Variants in ENPP6 observed in about 807,000 individuals in gnomAD.
ENPP6 encodes ectonucleotide pyrophosphatase/phosphodiesterase 6, also known as glycerophosphocholine cholinephosphodiesterase ENPP6.
Under a neutral mutation model 42.0 loss-of-function variants are expected in ENPP6, and 32 were observed. That is an observed-to-expected ratio of 0.76 (90% CI 0.58 to 1.02). The LOEUF (loss-of-function observed/expected upper bound fraction) is 1.02, where lower values mean the gene tolerates loss of function less well. Among genes scored for constraint, ENPP6 ranks in the 50% least tolerant of loss-of-function variants. The pLI is 0.00. For synonymous variants in ENPP6, 213 were observed against 216.0 expected (o/e 0.99, Z 0.12); for missense variants, 552 against 566.8 (o/e 0.97, Z 0.27).
At chr4:184,130,034 G>A (rs1317696831) in intron 2 of ENPP6, among the ~76,000 whole-genome samples, 2 of 152,304 alleles carry the variant, frequency 1.3e-5, no homozygotes, top group African/African-American at 4.8e-5. Context: ...CTTGTGGGTA[G>A]GAATTGTCAT....
At chr4:184,161,918 A>G (rs1313898208) in intron 1 of ENPP6, among the ~76,000 whole-genome samples, 1 of 152,174 alleles carries the variant, frequency 6.6e-6, no homozygotes, top group Non-Finnish European at 1.5e-5. Context: ...AAGACTAAAC[A>G]TTGGGTACAG....
At chr4:184,176,865 C>A (rs1737571911) in intron 1 of ENPP6, among the ~76,000 whole-genome samples, 1 of 152,186 alleles carries the variant, frequency 6.6e-6, no homozygotes, top group Non-Finnish European at 1.5e-5. Context: ...TGGGCCTTGG[C>A]CTTGTGAGAC....
chr4:184,131,796 A>AACACACACACACACAC (rs140275578), intron 2 of ENPP6, among the ~76,000 whole-genome samples: 64 of 140,658 alleles, frequency 4.6e-4, no homozygotes, highest in African/African-American at 1.4e-3. Flanking sequence ...GGACCAATAG[A>AACACACACACACACAC]ACACACACAC....
Position 184,209,198 on chromosome 4 carries a change from C to T in ENPP6, c.241+8381G>A, listed in dbSNP as rs1452365245. Among the ~76,000 whole-genome samples, 27 of 150,778 alleles carry T rather than the reference C, an allele frequency of 1.8e-4. 1 individual carries two copies. Among genetic ancestry groups the T allele is most frequent in the East Asian group, 3.9e-4 (2 of 5,178 alleles). ...GAGCGCCTCTCCTCTTCCAAAGGAA[C>T]GCAGCTCCTCACCAGCAATGGAACA... On this transcript the variant is annotated intron_variant, in intron 1 of 7. Transcript: ENST00000296741.
chr4:184,206,399 A>G (rs1251082251), intron 1 of ENPP6, among the ~76,000 whole-genome samples: 7 of 105,468 alleles, frequency 6.6e-5, no homozygotes, highest in African/African-American at 2.0e-4. Flanking sequence ...CTGGGACTAC[A>G]GGCGGGCGCC....
At chr4:184,130,919 A>G (rs1736595856) in intron 2 of ENPP6, among the ~76,000 whole-genome samples, 1 of 152,202 alleles carries the variant, frequency 6.6e-6, no homozygotes, top group African/African-American at 2.4e-5. Context: ...TCTATCCTAA[A>G]GTTGTTGAAC....
chr4:184,186,508 G>A (rs946426434), intron 1 of ENPP6, among the ~76,000 whole-genome samples: 4 of 152,148 alleles, frequency 2.6e-5, no homozygotes, highest in Non-Finnish European at 4.4e-5. Context: ...AGGCTCTGAG[G>A]AGCTCCAATA....
At chr4:184,189,588 G>A (rs1732687355) in intron 1 of ENPP6, among the ~76,000 whole-genome samples, 1 of 152,190 alleles carries the variant, frequency 6.6e-6, no homozygotes, top group African/African-American at 2.4e-5. Flanking sequence ...GCCTTTCCAC[G>A]GACAAAGTCA....
chr4:184,149,267 C>T lies in ENPP6; in HGVS notation c.421+4287G>A, dbSNP rs181506485. ...AATTTTCCCTGTGCCTGAGCCTCTG[C>T]TTCTAAGGTCAGCCTGACTGAAGGT... On this transcript the variant is annotated intron_variant, in intron 2 of 7. Transcript: ENST00000296741. Among the ~76,000 whole-genome samples the T allele has an allele frequency of 1.5e-3, 221 of 152,284 alleles. 1 individual carries two copies. Among genetic ancestry groups the T allele is most frequent in the African/African-American group, 5.1e-3 (211 of 41,558 alleles).
chr4:184,121,733 A>G (rs1337379314), intron 3 of ENPP6, among the ~76,000 whole-genome samples: 2 of 152,244 alleles, frequency 1.3e-5, no homozygotes, highest in Non-Finnish European at 2.9e-5. Flanking sequence ...TGCATGGACA[A>G]GCTGCTACAG....
intron 2 of ENPP6, among the ~76,000 whole-genome samples, chr4:184,142,204 C>T (rs1444112559): frequency 2.0e-5 from 3 of 152,188 alleles, no homozygotes; most frequent in African/African-American, 4.8e-5. Flanking sequence ...CTCCAAACTT[C>T]CTAGAGCCTA....
intron 1 of ENPP6, among the ~76,000 whole-genome samples, chr4:184,174,377 A>G (rs886967098): frequency 7.2e-5 from 11 of 152,134 alleles, no homozygotes; most frequent in African/African-American, 2.7e-4. Flanking sequence ...AATCAATGAC[A>G]GAAGGAGAGA....
intron 6 of ENPP6, among the ~76,000 whole-genome samples, chr4:184,103,450 G>A (rs561090262): frequency 2.0e-5 from 3 of 152,248 alleles, no homozygotes; most frequent in African/African-American, 2.4e-5. Flanking sequence ...TCTAGGACAC[G>A]GTTATAACAG....
chr4:184,165,959 C>T (rs1737341960), intron 1 of ENPP6, among the ~76,000 whole-genome samples: 1 of 152,198 alleles, frequency 6.6e-6, no homozygotes, highest in South Asian at 2.1e-4. Context: ...AGTTTAGACC[C>T]TGCTTAGATT....
rs113246517 is a variant in ENPP6 at position 184,092,325 on chromosome 4, G to C, written c.1118-943C>G. 7.7e-3 allele frequency among the ~76,000 whole-genome samples: 1,179 copies of C among 152,264 alleles called. 18 individuals are homozygous for C. Among genetic ancestry groups the C allele is most frequent in the African/African-American group, 0.027 (1,132 of 41,552 alleles). On this transcript the variant is annotated intron_variant, in intron 7 of 7. Transcript: ENST00000296741. ...ACTCTTTGGGAGCATTTTACCAACA[G>C]ATAAAATACATTAGCCATGTGGAAA...
chr4:184,092,567 A>G (rs1436231168), intron 7 of ENPP6, among the ~76,000 whole-genome samples: 1 of 152,236 alleles, frequency 6.6e-6, no homozygotes, highest in Admixed American at 6.5e-5. Context: ...CTTCTTCTCT[A>G]CAGCGGGCAG....
intron 7 of ENPP6, among the ~76,000 whole-genome samples, chr4:184,096,276 G>A (rs913232747): frequency 6.6e-6 from 1 of 152,218 alleles, no homozygotes; most frequent in Non-Finnish European, 1.5e-5. Flanking sequence ...GAGATGAGCA[G>A]AGCTTGTAGA....
chr4:184,214,405 T>C (rs1237912109), intron 1 of ENPP6, among the ~76,000 whole-genome samples: 1 of 152,184 alleles, frequency 6.6e-6, no homozygotes, highest in Non-Finnish European at 1.5e-5. Context: ...CTGGGCTAGA[T>C]GGTTTCAAGG....
chr4:184,138,185 A>T (rs1021038491), intron 2 of ENPP6, among the ~76,000 whole-genome samples: 9 of 152,222 alleles, frequency 5.9e-5, no homozygotes, highest in Admixed American at 2.6e-4. Context: ...TTCTAGAATG[A>T]GACAAGTTTA....
Sources: gnomAD v4.1 joint callset for allele counts (sites outside exome capture counted in the v4.1 genomes callset) on GRCh38, gnomAD v4.1.1 for gene constraint, MANE v1.5 for transcripts, NCBI Gene and HGNC (gene_info 2026-07-23, HGNC 2026-07-21) for gene names.